Variants in PTER observed in about 807,000 individuals in gnomAD.
The protein encoded by PTER is phosphotriesterase related.
Under a neutral mutation model 29.6 loss-of-function variants are expected in PTER, and 38 were observed. That is an observed-to-expected ratio of 1.28 (90% CI 0.99 to 1.68). The LOEUF is 1.68. Ranked by LOEUF, PTER falls within the 40% of genes most tolerant of loss-of-function variation. The pLI is 0.00. For missense variants in PTER, 482 were observed against 427.8 expected, an observed-to-expected ratio of 1.13 and a Z score of -1.12; for synonymous variants, 172 against 154.5, an observed-to-expected ratio of 1.11 and a Z score of -0.84.
chr10:16,506,883 G>C (rs1290115941), intron 4 of PTER, among the ~76,000 whole-genome samples: 3 of 152,032 alleles, frequency 2.0e-5, no homozygotes, highest in African/African-American at 7.2e-5. Context: ...ACCTAGTTGA[G>C]TCTAGAAATC....
At chr10:16,441,773 C>G (rs927270428) in intron 1 of PTER, among the ~76,000 whole-genome samples, 1 of 152,216 alleles carries the variant, frequency 6.6e-6, no homozygotes, top group African/African-American at 2.4e-5. Context: ...TGGCAGTATT[C>G]ATAAATAGCC....
At chr10:16,456,351 T>G (rs1834392964) in intron 1 of PTER, among the ~76,000 whole-genome samples, 1 of 152,198 alleles carries the variant, frequency 6.6e-6, no homozygotes, top group Non-Finnish European at 1.5e-5. Flanking sequence ...CCTTCTGTAG[T>G]TCTCCTGTGG....
intron 3 of PTER, among the ~76,000 whole-genome samples, chr10:16,489,291 G>A (rs559874238): frequency 6.6e-6 from 1 of 152,078 alleles, no homozygotes; most frequent in South Asian, 2.1e-4. Context: ...AATCTGCTTG[G>A]TTAATTTTGA....
chr10:16,494,253 A>G (rs1363981270), intron 3 of PTER, among the ~76,000 whole-genome samples: 2 of 152,210 alleles, frequency 1.3e-5, no homozygotes, highest in Non-Finnish European at 2.9e-5. Context: ...ACACTTTGTA[A>G]TTCGGAGCCA....
At chr10:16,483,371 C>T (rs1185756378) in intron 1 of PTER, among the ~76,000 whole-genome samples, 2 of 152,118 alleles carry the variant, frequency 1.3e-5, no homozygotes, top group Non-Finnish European at 2.9e-5. Context: ...TGAAGAGGTT[C>T]GTTTCTTGTT....
At chr10:16,467,302 A>G (rs1834871050) in intron 1 of PTER, among the ~76,000 whole-genome samples, 1 of 152,198 alleles carries the variant, frequency 6.6e-6, no homozygotes, top group Admixed American at 6.5e-5. Context: ...TATAAATTAA[A>G]CTTTATCATA....
At position 16,511,142 on chromosome 10, in the gene PTER, C is replaced by A; in HGVS notation, c.936C>A (p.Gly312=). 6.2e-7 allele frequency: 1 copy of A among 1,614,118 alleles called. No individual in the cohort carries two copies. Residue 312 remains glycine (G), a synonymous_variant, in exon 5 of 5, where the codon GGC becomes GGA. Transcript: ENST00000535784. Reference sequence around the variant, plus strand: ...GGCTGATGAAATATGGAGGTCACGGCTATTCTCATATACTCACCAATGTTG... The same window carrying A: ...GGCTGATGAAATATGGAGGTCACGGATATTCTCATATACTCACCAATGTTG... ...KTRLMKYGGH[G]YSHILTNVVP...
chr10:16,481,206 T>C lies in PTER; in HGVS notation c.-48-3131T>C, dbSNP rs1406981722. ...TTTCTCACTAGCTTCTGTGCCGGTG[T>C]ATGTGAGTGATGCTTAAGCCTCTCA... On this transcript the variant is annotated intron_variant, in intron 1 of 4. Transcript: ENST00000535784. Among the ~76,000 whole-genome samples, 5 of 152,226 alleles carry C rather than the reference T, an allele frequency of 3.3e-5. No individual in the cohort carries two copies. In the East Asian group the frequency reaches 9.6e-4, roughly 29 times the overall value.
At chr10:16,438,946 G>T (rs1302345404) in intron 1 of PTER, among the ~76,000 whole-genome samples, 2 of 148,440 alleles carry the variant, frequency 1.3e-5, no homozygotes, top group South Asian at 2.1e-4. Flanking sequence ...AAAGGTAAGT[G>T]GTCTCTAGGT....
intron 4 of PTER, among the ~76,000 whole-genome samples, chr10:16,505,636 A>ATGC (rs1398403469): frequency 1.6e-4 from 24 of 152,366 alleles, no homozygotes; most frequent in Non-Finnish European, 3.2e-4. Flanking sequence ...TATTATGTAA[A>ATGC]ATGAATGCAA....
intron 4 of PTER, among the ~76,000 whole-genome samples, chr10:16,509,552 C>T (rs1266906274): frequency 6.6e-6 from 1 of 152,154 alleles, no homozygotes; most frequent in Non-Finnish European, 1.5e-5. Flanking sequence ...GAAAGTGTTT[C>T]CTAAAACCTC....
At chr10:16,508,305 T>A (rs1401032723) in intron 4 of PTER, among the ~76,000 whole-genome samples, 1 of 152,104 alleles carries the variant, frequency 6.6e-6, no homozygotes, top group Non-Finnish European at 1.5e-5. Context: ...CCTGACCTCG[T>A]GATCCGCCCG....
At chr10:16,453,318 G>A (rs1430378694) in intron 1 of PTER, among the ~76,000 whole-genome samples, 2 of 152,092 alleles carry the variant, frequency 1.3e-5, no homozygotes, top group African/African-American at 2.4e-5. Context: ...CTGTAGTTGT[G>A]TTGTGATTAT....
intron 1 of PTER, among the ~76,000 whole-genome samples, chr10:16,457,367 C>T (rs536574327): frequency 1.2e-3 from 182 of 152,142 alleles, no homozygotes; most frequent in African/African-American, 3.8e-3. Context: ...CGCCCGCCAC[C>T]ACGCCCAGCT....
At chr10:16,483,968 A>C (rs575888774) in intron 1 of PTER, among the ~76,000 whole-genome samples, 9 of 152,346 alleles carry the variant, frequency 5.9e-5, no homozygotes, top group Non-Finnish European at 1.3e-4. Context: ...TTGATTCTGA[A>C]TACTTTTTTT....
At position 16,495,297 on chromosome 10, in the gene PTER, A is replaced by C. The variant is rs1022265246; in HGVS notation, c.698+8680A>C. 3.6e-4 allele frequency among the ~76,000 whole-genome samples: 55 copies of C among 151,934 alleles called. No individual in the cohort carries two copies. In the Middle Eastern group the frequency reaches 0.014, roughly 38 times the overall value. ...GCGATTCTTGTGCCTCAGCCTCCTAAGTAGCTGAGATTACAAGCGTGCACT... is the reference window on the plus strand; with the variant it reads ...GCGATTCTTGTGCCTCAGCCTCCTACGTAGCTGAGATTACAAGCGTGCACT... On this transcript the variant is annotated intron_variant, in intron 3 of 4. Coordinates refer to ENST00000535784, the MANE Select transcript of PTER (RefSeq NM_001261836.2).
rs1275363222 is a variant in PTER, at chr10:16,513,626, G to A, written c.*2370G>A. On this transcript the variant is annotated 3_prime_UTR_variant, in exon 5 of 5. Coordinates refer to ENST00000535784, the MANE Select transcript of PTER (RefSeq NM_001261836.2). ...ACCTAGTGTCCCCTTGGTGACGTAT[G>A]CAGCAGCTCAAATTAAACCTTTGTG... 1 of 152,550 alleles carries A rather than the reference G, an allele frequency of 6.6e-6. No homozygotes were observed. The highest frequency in any genetic ancestry group is 2.4e-5 in the African/African-American group (1 of 41,426). The allele number at this position is 152,550 out of a possible 1,614,324, so 9.4% of individuals were successfully genotyped here.
At chr10:16,507,097 A>G (rs562132626) in intron 4 of PTER, among the ~76,000 whole-genome samples, 1 of 151,738 alleles carries the variant, frequency 6.6e-6, no homozygotes, top group South Asian at 2.1e-4. Context: ...GGGTCATGGG[A>G]TCCAAGTTGG....
chr10:16,452,358 A>G (rs987975174), intron 1 of PTER, among the ~76,000 whole-genome samples: 1 of 150,186 alleles, frequency 6.7e-6, no homozygotes, highest in African/African-American at 2.5e-5. Context: ...GTGCAGTGGC[A>G]TGATCTCGGC....
Sources: allele counts gnomAD v4.1 joint callset (sites outside exome capture counted in the v4.1 genomes callset), GRCh38; gene constraint gnomAD v4.1.1; transcripts MANE v1.5; gene names NCBI Gene and HGNC (gene_info 2026-07-23, HGNC 2026-07-21).